NCF2: variants seen among roughly 807,000 people sequenced by gnomAD.
The protein encoded by NCF2 is neutrophil cytosolic factor 2, also known as neutrophil cytosol factor 2.
NCF2 carries 45 observed loss-of-function variants against 70.9 expected under a neutral mutation model. The ratio of observed to expected loss-of-function variants is 0.63; its 90% CI spans 0.50 to 0.81. The LOEUF is 0.81. Ranked by LOEUF, NCF2 falls within the 40% of genes least tolerant of loss-of-function variation. The pLI is 0.00. For missense variants in NCF2, 522 were observed against 631.6 expected (o/e 0.83, Z 1.86); for synonymous variants, 203 against 233.6 (o/e 0.87, Z 1.19).
chr1:183,567,850 T>C (rs1454320062), intron 7 of NCF2, among the ~76,000 whole-genome samples: 1 of 152,038 alleles, frequency 6.6e-6, no homozygotes, highest in Non-Finnish European at 1.5e-5. Context: ...ACAGGGAGCG[T>C]GAGGGATGCA....
intron 14 of NCF2, among the ~76,000 whole-genome samples, chr1:183,558,031 C>T (rs995764242): frequency 3.3e-5 from 5 of 151,826 alleles, no homozygotes; most frequent in African/African-American, 9.7e-5. Flanking sequence ...CACGCCACCA[C>T]GCCTGGCTAA....
At position 183,577,638 on chromosome 1, in the gene NCF2, A is replaced by G; in HGVS notation, c.327T>C (p.Tyr109=). The G allele has an allele frequency of 1.9e-6, 3 of 1,614,092 alleles. No individual in the cohort carries two copies. Among genetic ancestry groups the G allele is most frequent in the Non-Finnish European group, 2.5e-6 (3 of 1,179,956 alleles). The change falls in exon 3 of 15, where the codon TAT becomes TAC. Residue 109 remains tyrosine, a synonymous_variant. Coordinates refer to ENST00000367535, the MANE Select transcript of NCF2 (RefSeq NM_000433.4). The part of the protein sequence containing the change: ...IQLRGNQLID[Y]KILGLQFKLF... ...GCTTGAACTGGAGCCCCAGGATCTT[A>G]TAGTCTATCAGCTGGTTCCCTCGAA...
chr1:183,595,703 C>A (rs768368903), upstream of NCF2, among the ~76,000 whole-genome samples: 2 of 152,214 alleles, frequency 1.3e-5, no homozygotes, highest in African/African-American at 4.8e-5. Context: ...CATTAAGTCT[C>A]TTACCTCTAG....
At chr1:183,594,607 A>G (rs1673737631), upstream of NCF2, among the ~76,000 whole-genome samples, 1 of 152,340 alleles carries the variant, frequency 6.6e-6, no homozygotes, top group African/African-American at 2.4e-5. Flanking sequence ...GCAGGTGTTC[A>G]ATAAACATTA....
rs1672848115 is a variant in NCF2, at chr1:183,577,490, G to A, written c.366+109C>T. ...AGTCTCAAGGCAGAGGAGGCAAAAT[G>A]GCTTTTCCAAGCTCCTGGAGGTGTC... On this transcript the variant is annotated intron_variant, in intron 3 of 14. Coordinates refer to ENST00000367535, the MANE Select transcript of NCF2 (RefSeq NM_000433.4). 3.1e-5 allele frequency: 27 copies of A among 869,386 alleles called. No individual in the cohort carries two copies. The South Asian group carries it at 3.6e-4, about 12-fold the overall frequency. 53.9% of individuals were successfully genotyped at this position (869,386 alleles called of 1,614,324 possible). A position where few individuals can be genotyped will look rare whatever the true frequency, so the allele number is the denominator to read the frequency against.
At chr1:183,574,383 A>G in intron 4 of NCF2, 104 bp downstream of exon 4, 3 of 1,526,542 alleles carry the variant, frequency 2.0e-6, no homozygotes, top group South Asian at 1.1e-5. Context: ...CCAGACTCAC[A>G]GAAAGTAAAA....
intron 7 of NCF2, among the ~76,000 whole-genome samples, chr1:183,568,369 G>A (rs191567387): frequency 1.3e-5 from 2 of 152,016 alleles, no homozygotes; most frequent in African/African-American, 4.8e-5. Context: ...GTTTTGCCAC[G>A]TTGGCCCGGC....
At chr1:183,570,299 G>A (rs1204550968) in intron 6 of NCF2, among the ~76,000 whole-genome samples, 2 of 152,236 alleles carry the variant, frequency 1.3e-5, no homozygotes, top group African/African-American at 4.8e-5. Context: ...CAGAAAAAGG[G>A]TTCACTCTCA....
At chr1:183,571,647 C>G (rs1672569284) in intron 5 of NCF2, among the ~76,000 whole-genome samples, 1 of 152,210 alleles carries the variant, frequency 6.6e-6, no homozygotes, top group South Asian at 2.1e-4. Flanking sequence ...AGATGTAAAG[C>G]TAGCTTTATT....
At chr1:183,577,285 T>C (rs975840998) in intron 3 of NCF2, among the ~76,000 whole-genome samples, 2 of 152,190 alleles carry the variant, frequency 1.3e-5, no homozygotes, top group Non-Finnish European at 2.9e-5. Context: ...CAAATTATCA[T>C]GAATATTTCC....
At chr1:183,574,273 T>C (rs1477667100) in intron 4 of NCF2, among the ~76,000 whole-genome samples, 1 of 152,132 alleles carries the variant, frequency 6.6e-6, no homozygotes, top group East Asian at 1.9e-4. Flanking sequence ...ACTCCAAGGG[T>C]GGTGTGATGC....
chr1:183,599,437 T>TCTTC, the NCF2 span, among the ~76,000 whole-genome samples: 1 of 96,786 alleles, frequency 1.0e-5, no homozygotes, highest in Admixed American at 1.2e-4. Context: ...TTTCTTTCTT[T>TCTTC]CTTTCTTTCT....
Position 183,585,624 on chromosome 1 carries a change from C to CAAAAAAAAAAAAAA in NCF2, c.257+1257_257+1270dup, listed in dbSNP as rs750881920. Among the ~76,000 whole-genome samples the CAAAAAAAAAAAAAA allele has an allele frequency of 5.2e-5, 6 of 114,584 alleles. 1 individual carries two copies. Among genetic ancestry groups the CAAAAAAAAAAAAAA allele is most frequent in the Admixed American group, 8.4e-5 (1 of 11,864 alleles). 75.2% of individuals were successfully genotyped at this position (114,584 alleles called of 152,430 possible). ...TGGGTGACAGGGCGAAACTCCGTCT[C>CAAAAAAAAAAAAAA]AAAAAAAAAAAAAATTCTTCATTAG... On this transcript the variant is annotated intron_variant, in intron 2 of 14. Transcript: ENST00000367535.
intron 2 of NCF2, among the ~76,000 whole-genome samples, chr1:183,585,497 C>T (rs905241207): frequency 6.6e-6 from 1 of 151,772 alleles, no homozygotes; most frequent in Non-Finnish European, 1.5e-5. Flanking sequence ...TAGTGGCGGG[C>T]ACCTGTAATC....
At chr1:183,564,675 T>G (rs1672226000) in intron 10 of NCF2, among the ~76,000 whole-genome samples, 1 of 152,232 alleles carries the variant, frequency 6.6e-6, no homozygotes, top group Admixed American at 6.5e-5. Flanking sequence ...CCTAGGACTC[T>G]GTATTCACAA....
intron 1 of NCF2, 21 bp from the exon 2 acceptor site, chr1:183,586,998 A>G: frequency 1.2e-6 from 2 of 1,605,810 alleles, no homozygotes; most frequent in Non-Finnish European, 1.7e-6. Flanking sequence ...AAGGGTCCAG[A>G]CATGGCCATG....
At position 183,555,946 on chromosome 1, in the gene NCF2, AATC is replaced by A; in HGVS notation, c.*169_*171del. On this transcript the variant is annotated 3_prime_UTR_variant, in exon 15 of 15. Transcript: ENST00000367535. ...TCTCCTCACCCACTGTGCCCCAGGAAATCATCCTGGGTACTCACATCATTGTCT... is the reference window on the plus strand; with the variant it reads ...TCTCCTCACCCACTGTGCCCCAGGAAATCCTGGGTACTCACATCATTGTCT... The A allele has an allele frequency of 1.5e-6, 1 of 665,352 alleles. No homozygotes were observed. The highest frequency in any genetic ancestry group is 2.7e-5 in the East Asian group (1 of 36,844). 41.2% of individuals were successfully genotyped at this position (665,352 alleles called of 1,614,324 possible).
the NCF2 span, among the ~76,000 whole-genome samples, chr1:183,599,445 T>TCTTTCTTTCTTTCTTTC: frequency 2.2e-4 from 24 of 107,392 alleles, no homozygotes; most frequent in South Asian, 5.8e-4. Flanking sequence ...TTTCTTTCTT[T>TCTTTCTTTCTTTCTTTC]CTTTCTTTCT....
intron 1 of NCF2, among the ~76,000 whole-genome samples, chr1:183,589,347 G>T (rs1030664564): frequency 1.3e-5 from 2 of 152,126 alleles, no homozygotes; most frequent in African/African-American, 4.8e-5. Context: ...ATGATATTTA[G>T]AAACTCAGGA....
Sources: allele counts gnomAD v4.1 joint callset (sites outside exome capture counted in the v4.1 genomes callset), GRCh38; gene constraint gnomAD v4.1.1; transcripts MANE v1.5; gene names NCBI Gene and HGNC (gene_info 2026-07-23, HGNC 2026-07-21).